The following FBRS variants were observed in gnomAD, a reference collection of about 807,000 sequenced individuals.
FBRS encodes fibrosin.
In FBRS, 15 loss-of-function variants were observed where a neutral mutation model predicts 86.1. The observed-to-expected ratio is 0.17, with a 90% confidence interval of 0.12 to 0.27. The LOEUF is 0.27. Ranked by LOEUF, FBRS falls within the 10% of genes least tolerant of loss-of-function variation. The probability of loss-of-function intolerance (pLI) is 1.00; values close to 1 mark genes in which losing one functional copy is unlikely to be tolerated. For synonymous variants in FBRS, 666 were observed against 575.8 expected (o/e 1.16, Z -2.24); for missense variants, 1,367 against 1,301.6 (o/e 1.05, Z -0.77).
chr16:30,660,382 G>C lies in FBRS; in HGVS notation c.579G>C (p.Glu193Asp). The change falls in exon 2 of 18, where the codon GAG (glutamate) becomes GAC (aspartate). Residue 193 changes from glutamate (E) to aspartate (D), a missense_variant. Around this residue, in one of 3 missense-constraint regions of FBRS, gnomAD observed 702 missense variants for 598.7 expected, o/e 1.17. Transcript: ENST00000356166. ...AGCCAGGGGACAGCTCTGATCGAGA[G>C]CCTGGCCGGCCCCCTGGGGATCGGG... is the stretch of plus-strand genomic sequence containing the variant. ...TGEPGDSSDR[E>D]PGRPPGDRAR... is the part of the protein sequence containing the mutation. The C allele has an allele frequency of 1.6e-6, 2 of 1,265,044 alleles. No individual in the cohort carries two copies. Among genetic ancestry groups the C allele is most frequent in the Non-Finnish European group, 2.0e-6 (2 of 995,856 alleles). 78.4% of individuals were successfully genotyped at this position (1,265,044 alleles called of 1,614,324 possible).
chr16:30,669,712 G>A lies in FBRS; in HGVS notation c.*67G>A. 6.7e-7 allele frequency: 1 copy of A among 1,489,320 alleles called. No individual in the cohort carries two copies. Among genetic ancestry groups the A allele is most frequent in the Non-Finnish European group, 8.9e-7 (1 of 1,127,794 alleles). The allele number at this position is 1,489,320 out of a possible 1,614,324, so 92.3% of individuals were successfully genotyped here. On this transcript the variant is annotated 3_prime_UTR_variant, in exon 18 of 18. Transcript: ENST00000356166. The surrounding 1 kb of genome is among the most constrained non-coding windows in gnomAD (Gnocchi z 5.9). ...CCTTTAACCAGGTCCTAGGGCTGAG[G>A]TTTTAAGCCAGGGCTGGAGGGCAAA...
At chr16:30,664,992 C>T (rs759732566) in intron 8 of FBRS, 43 bp from the exon 9 acceptor site, 27 of 1,609,348 alleles carry the variant, frequency 1.7e-5, no homozygotes, top group East Asian at 8.9e-5. Context: ...GGGGAAGGCC[C>T]GGGTCCCTGG....
chr16:30,661,442 G>C, intron 4 of FBRS, 109 bp downstream of exon 4: 1 of 1,538,200 alleles, frequency 6.5e-7, no homozygotes, highest in Non-Finnish European at 8.8e-7. Context: ...GAGAAACATG[G>C]CTTAGGTTGA....
rs200647927 is a variant in FBRS, at chr16:30,668,943, G to A, written c.2330G>A (p.Arg777Gln). The change falls in exon 17 of 18, where the codon CGG (arginine) becomes CAG (glutamine). Residue 777 changes from arginine to glutamine, a missense_variant. This residue lies in a region of FBRS where 659 missense variants were observed against 678.8 expected (regional missense o/e 0.97). Coordinates refer to ENST00000356166, the MANE Select transcript of FBRS (RefSeq NM_001105079.3). ...PGSDKERPVE[R>Q]REPSITKEEK... Reference sequence around the variant, plus strand: ...TCAGACAAGGAGCGGCCTGTGGAGCGGAGGGAGCCCTCCATCACCAAGGAG... The same window carrying A: ...TCAGACAAGGAGCGGCCTGTGGAGCAGAGGGAGCCCTCCATCACCAAGGAG... The A allele has an allele frequency of 3.7e-4, 586 of 1,588,204 alleles. 6 individuals carry two copies. The Admixed American group carries it at 8.6e-3, about 23-fold the overall frequency.
intron 6 of FBRS, among the ~76,000 whole-genome samples, chr16:30,663,526 A>G (rs1389701494): frequency 1.3e-5 from 2 of 152,134 alleles, no homozygotes; most frequent in African/African-American, 4.8e-5. Flanking sequence ...TAAAAAAAAA[A>G]AAAAGGAAAT....
chr16:30,666,604 A>AG lies in FBRS; in HGVS notation c.1803+69dup, dbSNP rs1033317027. 15 of 1,612,238 alleles carry AG rather than the reference A, an allele frequency of 9.3e-6. No individual in the cohort carries two copies. The East Asian group carries it at 1.3e-4, about 14-fold the overall frequency. On this transcript the variant is annotated intron_variant, in intron 12 of 17. Coordinates refer to ENST00000356166, the MANE Select transcript of FBRS (RefSeq NM_001105079.3). ...GGGCTGGTGTTAGCATGTTTGGCTA[A>AG]GGGGGGTTTTGCTTACAAATAAGTG...
Position 30,665,121 on chromosome 16 carries a change from G to A in FBRS, c.1608+42G>A. 1 of 1,600,014 alleles carries A rather than the reference G, an allele frequency of 6.2e-7. No homozygotes were observed. Among genetic ancestry groups the A allele is most frequent in the Non-Finnish European group, 8.5e-7 (1 of 1,174,552 alleles). ...GTGTGCGTATGGGGTGTGTGGTGTG[G>A]GCGTGGATGCATCCATGCTTGTGAC... is the stretch of plus-strand genomic sequence containing the variant. On this transcript the variant is annotated intron_variant, in intron 9 of 17. Coordinates refer to ENST00000356166, the MANE Select transcript of FBRS (RefSeq NM_001105079.3). This position sits in a 1 kb window ranked among gnomAD's most constrained non-coding sequence, Gnocchi z 4.1.
intron 6 of FBRS, among the ~76,000 whole-genome samples, chr16:30,663,333 G>A (rs201692035): frequency 6.6e-6 from 1 of 152,104 alleles, no homozygotes; most frequent in African/African-American, 2.4e-5. Context: ...GATTAACTAC[G>A]AGTGAATGCA....
chr16:30,664,286 C>T lies in FBRS; in HGVS notation c.1127C>T (p.Ser376Phe), dbSNP rs2052494275. Residue 376 changes from serine (S) to phenylalanine (F), a missense_variant, in exon 7 of 18, where the codon TCC (serine) becomes TTC (phenylalanine). Ser to Phe is a radical substitution (Grantham distance 155). This residue lies in a region of FBRS where 702 missense variants were observed against 598.7 expected (regional missense o/e 1.17). Transcript: ENST00000356166. ...AQPPPSSSSSSSSSSSASSSS... is the reference protein window; with the variant it reads ...AQPPPSSSSSFSSSSSASSSS... ...CCTCCCCCCTCATCATCCTCTTCGT[C>T]CTCCTCCTCCTCATCTGCCTCCTCC... 1.3e-6 allele frequency: 2 copies of T among 1,496,472 alleles called. No homozygotes were observed. Among genetic ancestry groups the T allele is most frequent in the East Asian group, 2.6e-5 (1 of 38,772 alleles). 92.7% of individuals were successfully genotyped at this position (1,496,472 alleles called of 1,614,324 possible). A position where few individuals can be genotyped will look rare whatever the true frequency, so the allele number is the denominator to read the frequency against.
At chr16:30,662,954 A>C in intron 6 of FBRS, 95 bp downstream of exon 6, 1 of 1,325,476 alleles carries the variant, frequency 7.5e-7, no homozygotes, top group Non-Finnish European at 9.7e-7. Context: ...GACTTGAAAA[A>C]GGATTCTGAG....
At position 30,665,102 on chromosome 16, in the gene FBRS, G is replaced by A. The variant is rs774346782; in HGVS notation, c.1608+23G>A. On this transcript the variant is annotated intron_variant, in intron 9 of 17. Transcript: ENST00000356166. The surrounding 1 kb of genome is among the most constrained non-coding windows in gnomAD (Gnocchi z 4.1). ...AATGTGAGTGTGTGTGTGCGTGTGC[G>A]TATGGGGTGTGTGGTGTGGGCGTGG... 23 of 1,609,812 alleles carry A rather than the reference G, an allele frequency of 1.4e-5. No individual in the cohort carries two copies. The highest frequency in any genetic ancestry group is 5.5e-5 in the South Asian group (5 of 90,754).
At chr16:30,660,621 G>C in intron 2 of FBRS, 179 bp downstream of exon 2, 1 of 1,056,842 alleles carries the variant, frequency 9.5e-7, no homozygotes, top group Non-Finnish European at 1.2e-6. Flanking sequence ...ACAGTCAGGT[G>C]CACCTCCTTT....
chr16:30,668,187 T>C lies in FBRS; in HGVS notation c.2075-373T>C, dbSNP rs367779799. Reference sequence around the variant, plus strand: ...GGCTTGCTGCGGAGCGGAGATCTGCTGTGATGGGTCCAGGCGGCTGGTGTT... The same window carrying C: ...GGCTTGCTGCGGAGCGGAGATCTGCCGTGATGGGTCCAGGCGGCTGGTGTT... On this transcript the variant is annotated intron_variant, in intron 15 of 17. Coordinates refer to ENST00000356166, the MANE Select transcript of FBRS (RefSeq NM_001105079.3). 52 of 248,628 alleles carry C rather than the reference T, an allele frequency of 2.1e-4. 1 individual carries two copies. Among genetic ancestry groups the C allele is most frequent in the African/African-American group, 1.1e-3 (51 of 45,090 alleles). The allele number at this position is 248,628 out of a possible 1,614,324, so 15.4% of individuals were successfully genotyped here. A position where few individuals can be genotyped will look rare whatever the true frequency, so the allele number is the denominator to read the frequency against.
chr16:30,661,397 GT>G, intron 4 of FBRS, 64 bp downstream of exon 4: 3 of 1,550,484 alleles, frequency 1.9e-6, no homozygotes, highest in Middle Eastern at 3.3e-4. Context: ...CAGCATAAAG[GT>G]CTTCTGCGTG....
Position 30,669,996 on chromosome 16 carries a change from A to C in FBRS, c.*351A>C. The C allele has an allele frequency of 1.9e-6, 1 of 518,902 alleles. No individual in the cohort carries two copies. The highest frequency in any genetic ancestry group is 1.7e-5 in the South Asian group (1 of 59,110). 32.1% of individuals were successfully genotyped at this position (518,902 alleles called of 1,614,324 possible). A position where few individuals can be genotyped will look rare whatever the true frequency, so the allele number is the denominator to read the frequency against. ...CCAAGGGCTCACTAAGCCAGAGGCC[A>C]AAGTGCCCCCTCCCGTTCACCTACC... On this transcript the variant is annotated 3_prime_UTR_variant, in exon 18 of 18. Transcript: ENST00000356166. The surrounding 1 kb of genome is among the most constrained non-coding windows in gnomAD (Gnocchi z 5.9).
chr16:30,659,694 C>A lies in FBRS; in HGVS notation c.176C>A (p.Ser59Ter). The A allele has an allele frequency of 1.1e-6, 1 of 913,822 alleles. No homozygotes were observed. Among genetic ancestry groups the A allele is most frequent in the Non-Finnish European group, 1.6e-6 (1 of 628,586 alleles). The allele number at this position is 913,822 out of a possible 1,614,324, so 56.6% of individuals were successfully genotyped here. A position where few individuals can be genotyped will look rare whatever the true frequency, so the allele number is the denominator to read the frequency against. Residue 59 changes from serine (S) to a stop codon, truncating the protein, a stop_gained, in exon 1 of 18, where the codon TCG (serine) becomes TAG (stop). Transcript: ENST00000356166. LOFTEE classifies it high-confidence loss of function. ...AAPRGSSSSS[S>*]PPPPARPWSS... ...CCGCGCGGCTCCTCGTCCTCGTCGTCGCCGCCGCCGCCCGCCAGGCCTTGG... is the reference window on the plus strand; with the variant it reads ...CCGCGCGGCTCCTCGTCCTCGTCGTAGCCGCCGCCGCCCGCCAGGCCTTGG...
chr16:30,664,555 AC>A, intron 7 of FBRS, 39 bp downstream of exon 7: 1 of 1,419,812 alleles, frequency 7.0e-7, no homozygotes. Context: ...GGGGGCCATC[AC>A]CCCGGGCTCG....
rs773029693 is a variant in FBRS at position 30,669,595 on chromosome 16, C to T, written c.2893C>T (p.Arg965Trp). ...GAPPPLVPAP[R>W]PSSPPRGPGP... Reference sequence around the variant, plus strand: ...ACCACCTCCGCTTGTGCCCGCCCCCCGGCCCAGTTCCCCACCTAGGGGCCC... The same window carrying T: ...ACCACCTCCGCTTGTGCCCGCCCCCTGGCCCAGTTCCCCACCTAGGGGCCC... The change falls in exon 18 of 18, where the codon CGG becomes TGG. Residue 965 changes from arginine to tryptophan, a missense_variant. Physicochemically the swap from Arg to Trp is moderately radical, Grantham distance 101. Transcript: ENST00000356166. This position sits in a 1 kb window ranked among gnomAD's most constrained non-coding sequence, Gnocchi z 5.9. The T allele has an allele frequency of 1.3e-5, 21 of 1,610,412 alleles. No individual in the cohort carries two copies. The highest frequency in any genetic ancestry group is 1.5e-5 in the Non-Finnish European group (18 of 1,179,350).
At position 30,665,047 on chromosome 16, in the gene FBRS, C is replaced by T. The variant is rs774452467; in HGVS notation, c.1576C>T (p.Pro526Ser). The change falls in exon 9 of 18, where the codon CCA (proline) becomes TCA (serine). Residue 526 changes from proline to serine, a missense_variant. Physicochemically the swap from Pro to Ser is moderately conservative, Grantham distance 74 (BLOSUM62 -1). This residue lies in a region of FBRS where 659 missense variants were observed against 678.8 expected (regional missense o/e 0.97). Transcript: ENST00000356166. The surrounding 1 kb of genome is among the most constrained non-coding windows in gnomAD (Gnocchi z 4.1). ...TTCTCTTCCCTAGTTTGAGAAATAT[C>T]CAGGAAAGATGGAAGGCCTTTTCCG... ...PHGPHMFEKYPGKMEGLFRHN... is the reference protein window; with the variant it reads ...PHGPHMFEKYSGKMEGLFRHN... 7.2e-5 allele frequency: 116 copies of T among 1,613,554 alleles called. No homozygotes were observed. Among genetic ancestry groups the T allele is most frequent in the Non-Finnish European group, 8.7e-5 (103 of 1,179,772 alleles).
Sources: gnomAD v4.1 joint callset for allele counts (sites outside exome capture counted in the v4.1 genomes callset) on GRCh38, gnomAD v4.1.1 for gene constraint, gnomAD v4.1.1 regional missense constraint, Gnocchi (gnomAD v3.1) non-coding constraint, MANE v1.5 for transcripts, NCBI Gene and HGNC (gene_info 2026-07-23, HGNC 2026-07-21) for gene names.